The following NTRK3 variants were observed in gnomAD, a reference collection of about 807,000 sequenced individuals.
NTRK3 encodes the protein NT-3 growth factor receptor.
A neutral mutation model predicts 91.7 loss-of-function variants in NTRK3; 24 were observed. That is an observed-to-expected ratio of 0.26 (90% confidence interval 0.19 to 0.37). The LOEUF is 0.37. Ranked by LOEUF, NTRK3 falls within the 10% of genes least tolerant of loss-of-function variation. The pLI is 1.00. For synonymous variants in NTRK3, 483 were observed against 404.0 expected, an observed-to-expected ratio of 1.20 and a Z score of -2.34; for missense variants, 880 against 1,068.9, an observed-to-expected ratio of 0.82 and a Z score of 2.46.
rs1156646326 is a variant in NTRK3 at position 87,942,465 on chromosome 15, C to G, written c.1586-1712G>C. Among the ~76,000 whole-genome samples, 3 of 152,142 alleles carry G rather than the reference C, an allele frequency of 2.0e-5. No homozygotes were observed. The East Asian group carries it at 5.8e-4, about 29-fold the overall frequency. On this transcript the variant is annotated intron_variant, in intron 14 of 18. Transcript: ENST00000394480. ...CTGCGAGAAAATAGGAAGTCAGGCC[C>G]TCTCTCGGGAGGCCACCTGCTCCTG...
At chr15:88,039,118 A>AACACACACAC (rs66499066) in intron 13 of NTRK3, among the ~76,000 whole-genome samples, 26 of 139,308 alleles carry the variant, frequency 1.9e-4, no homozygotes, top group African/African-American at 6.7e-4. Flanking sequence ...TTGAGCCCTC[A>AACACACACAC]ACACACACAC....
intron 14 of NTRK3, among the ~76,000 whole-genome samples, chr15:87,957,207 G>A (rs1423656157): frequency 1.3e-5 from 2 of 151,838 alleles, no homozygotes; most frequent in African/African-American, 4.8e-5. Context: ...TCATACAATT[G>A]TTTTGCATAC....
At chr15:88,113,203 C>G (rs2051618724) in intron 13 of NTRK3, among the ~76,000 whole-genome samples, 1 of 151,986 alleles carries the variant, frequency 6.6e-6, no homozygotes, top group African/African-American at 2.4e-5. Context: ...TGTCTGGAAA[C>G]TGCCAGGCTT....
intron 13 of NTRK3, among the ~76,000 whole-genome samples, chr15:88,068,232 G>A (rs773072385): frequency 3.9e-5 from 6 of 152,122 alleles, no homozygotes; most frequent in Non-Finnish European, 7.4e-5. Flanking sequence ...AGGAGTTCGA[G>A]ACCAGCCTGG....
At chr15:87,985,711 C>T (rs1178884995) in intron 14 of NTRK3, among the ~76,000 whole-genome samples, 1 of 152,122 alleles carries the variant, frequency 6.6e-6, no homozygotes, top group African/African-American at 2.4e-5. Context: ...GCGTCATGCC[C>T]ACAGGAAGTC....
intron 14 of NTRK3, among the ~76,000 whole-genome samples, chr15:88,013,950 T>C (rs1348473432): frequency 6.6e-6 from 1 of 152,136 alleles, no homozygotes; most frequent in African/African-American, 2.4e-5. Context: ...TCTCAATTTT[T>C]TTAAAAAAAG....
intron 13 of NTRK3, among the ~76,000 whole-genome samples, chr15:88,053,330 T>C (rs1445950209): frequency 6.6e-6 from 1 of 152,146 alleles, no homozygotes; most frequent in African/African-American, 2.4e-5. Flanking sequence ...AGGCTCCACT[T>C]AATAGCCAAG....
intron 17 of NTRK3, among the ~76,000 whole-genome samples, chr15:87,921,934 T>A (rs1259131356): frequency 1.3e-5 from 2 of 151,934 alleles, no homozygotes; most frequent in African/African-American, 4.8e-5. Context: ...TCAGTAAGAA[T>A]TCTATCATTA....
intron 13 of NTRK3, among the ~76,000 whole-genome samples, chr15:88,036,377 C>T (rs1306695063): frequency 6.6e-6 from 1 of 151,698 alleles, no homozygotes; most frequent in Non-Finnish European, 1.5e-5. Flanking sequence ...AGAGCAATTC[C>T]TTCAACATTT....
intron 6 of NTRK3, chr15:88,143,944 A>G (rs2042632929): frequency 6.6e-6 from 1 of 152,226 alleles, no homozygotes; most frequent in Admixed American, 6.5e-5. Context: ...TATTCAGAGA[A>G]GCCTGTTCAA....
At chr15:87,978,329 T>A (rs557030620) in intron 14 of NTRK3, 1 of 229,500 alleles carries the variant, frequency 4.4e-6, no homozygotes, top group South Asian at 1.8e-4. Flanking sequence ...ATTGGTGCCA[T>A]GAGAGGGGCT....
chr15:87,942,145 G>C (rs990272779), intron 14 of NTRK3, among the ~76,000 whole-genome samples: 1 of 152,204 alleles, frequency 6.6e-6, no homozygotes, highest in Non-Finnish European at 1.5e-5. Context: ...CAGAGTCCTT[G>C]GTATCCCCAC....
chr15:88,247,254 A>G (rs2052927391), intron 3 of NTRK3, among the ~76,000 whole-genome samples: 1 of 152,102 alleles, frequency 6.6e-6, no homozygotes, highest in South Asian at 2.1e-4. Context: ...TGCCTGTAAA[A>G]GCCCGAACCC....
At chr15:87,889,855 T>C (rs1458961856) in intron 17 of NTRK3, among the ~76,000 whole-genome samples, 1 of 151,920 alleles carries the variant, frequency 6.6e-6, no homozygotes, top group Non-Finnish European at 1.5e-5. Flanking sequence ...TTTTTGAAAG[T>C]TGGATCCAGA....
chr15:87,903,731 G>A (rs2066589511), intron 17 of NTRK3, among the ~76,000 whole-genome samples: 1 of 152,138 alleles, frequency 6.6e-6, no homozygotes, highest in Non-Finnish European at 1.5e-5. Context: ...TTACACAGGG[G>A]ACTGTATTGG....
intron 14 of NTRK3, among the ~76,000 whole-genome samples, chr15:88,013,831 T>C (rs1323461786): frequency 6.6e-6 from 1 of 152,046 alleles, no homozygotes; most frequent in Non-Finnish European, 1.5e-5. Flanking sequence ...TCTCAGCTAG[T>C]TGGGAGGCTG....
chr15:88,021,841 G>A (rs1284905990), intron 14 of NTRK3, among the ~76,000 whole-genome samples: 1 of 152,158 alleles, frequency 6.6e-6, no homozygotes, highest in Non-Finnish European at 1.5e-5. Context: ...TGGAGATGAT[G>A]ACTGCTTTCT....
intron 13 of NTRK3, among the ~76,000 whole-genome samples, chr15:88,065,573 T>C (rs2046579886): frequency 6.6e-6 from 1 of 152,112 alleles, no homozygotes; most frequent in Non-Finnish European, 1.5e-5. Flanking sequence ...GAAGAACCTA[T>C]ACCCCTACCA....
chr15:88,210,923 A>C lies in NTRK3; in HGVS notation c.249-26624T>G, dbSNP rs559820246. ...AAACACCCTGCCTGTGACCCAGAGC[A>C]GTGAGATGTTCCACTGAGAGCCCAG... On this transcript the variant is annotated intron_variant, in intron 3 of 18. Coordinates refer to ENST00000394480, the Ensembl canonical transcript of NTRK3. 1.3e-4 allele frequency among the ~76,000 whole-genome samples: 20 copies of C among 152,314 alleles called. No homozygotes were observed. In the East Asian group the frequency reaches 3.3e-3, roughly 25 times the overall value.
Sources: gnomAD v4.1 joint callset for allele counts (sites outside exome capture counted in the v4.1 genomes callset) on GRCh38, gnomAD v4.1.1 for gene constraint, MANE v1.5 for transcripts, NCBI Gene and HGNC (gene_info 2026-07-23, HGNC 2026-07-21) for gene names.